The following PCDH7 variants were observed in gnomAD, a reference collection of about 807,000 sequenced individuals.
PCDH7 encodes the protein protocadherin-7.
PCDH7 carries 17 observed loss-of-function variants against 58.9 expected under a neutral mutation model. The ratio of observed to expected loss-of-function variants is 0.29; its 90% CI spans 0.20 to 0.43. The LOEUF is 0.43. Among genes scored for constraint, PCDH7 ranks in the 20% least tolerant of loss-of-function variants. The pLI is 1.00. For missense variants in PCDH7, 1,274 were observed against 1,441.0 expected, an observed-to-expected ratio of 0.88 and a Z score of 1.88; for synonymous variants, 664 against 616.4, an observed-to-expected ratio of 1.08 and a Z score of -1.14.
At chr4:31,131,105 C>T (rs1172708696) in intron 3 of PCDH7, among the ~76,000 whole-genome samples, 2 of 152,136 alleles carry the variant, frequency 1.3e-5, no homozygotes, top group Non-Finnish European at 2.9e-5. Flanking sequence ...ACACAGGGAG[C>T]ACTGAGACTG....
Position 30,869,040 on chromosome 4 carries a change from G to A in PCDH7, c.71-51113G>A, listed in dbSNP as rs555838921. On this transcript the variant is annotated intron_variant, in intron 1 of 3. Transcript: ENST00000509759. ...TTTTCAGCTGGTGATGGAGAACAACGTGTTAATCTTGGATTCCTTCTGTCA... is the reference window on the plus strand; with the variant it reads ...TTTTCAGCTGGTGATGGAGAACAACATGTTAATCTTGGATTCCTTCTGTCA... The A allele has an allele frequency of 3.9e-5, 6 of 152,150 alleles. No homozygotes were observed. In the East Asian group the frequency reaches 1.2e-3, roughly 30 times the overall value. 9.4% of individuals were successfully genotyped at this position (152,150 alleles called of 1,614,324 possible).
At chr4:31,077,938 A>G (rs1001680264) in intron 3 of PCDH7, among the ~76,000 whole-genome samples, 1 of 152,314 alleles carries the variant, frequency 6.6e-6, no homozygotes, top group East Asian at 1.9e-4. Context: ...TGGCTGATTT[A>G]GGATCAGAAT....
intron 3 of PCDH7, among the ~76,000 whole-genome samples, chr4:31,038,970 G>A (rs1755629523): frequency 6.6e-6 from 1 of 152,104 alleles, no homozygotes; most frequent in Admixed American, 6.6e-5. Flanking sequence ...TTACCAGATA[G>A]TGTTTTCAAA....
At chr4:30,957,280 A>G (rs759027429) in intron 3 of PCDH7, among the ~76,000 whole-genome samples, 4 of 152,152 alleles carry the variant, frequency 2.6e-5, no homozygotes, top group Non-Finnish European at 4.4e-5. Context: ...AGAATTATAA[A>G]CACAAGCACA....
intron 1 of PCDH7, among the ~76,000 whole-genome samples, chr4:30,846,372 C>A (rs1231065556): frequency 1.3e-5 from 2 of 152,056 alleles, no homozygotes; most frequent in Admixed American, 1.3e-4. Context: ...CCTTGCTCCC[C>A]CTCTCTTGTA....
chr4:30,933,843 C>T lies in PCDH7; in HGVS notation c.287+13474C>T, dbSNP rs115855667. On this transcript the variant is annotated intron_variant, in intron 2 of 3. Coordinates refer to the PCDH7 transcript ENST00000509759. Reference sequence around the variant, plus strand: ...ATTCTCAGGTAATTCTCACCTAAAACAAGCTCAATCTTTAATTATATGAAT... The same window carrying T: ...ATTCTCAGGTAATTCTCACCTAAAATAAGCTCAATCTTTAATTATATGAAT... Among the ~76,000 whole-genome samples, 1,190 of 152,276 alleles carry T rather than the reference C, an allele frequency of 7.8e-3. 6 individuals carry two copies. Among genetic ancestry groups the T allele is most frequent in the Non-Finnish European group, 0.011 (772 of 68,026 alleles).
chr4:30,894,510 TATATATACACACACAC>T (rs1280773499), intron 1 of PCDH7, among the ~76,000 whole-genome samples: 9 of 49,450 alleles, frequency 1.8e-4, no homozygotes, highest in African/African-American at 2.7e-4. Flanking sequence ...TATATATATA[TATATATACACACACAC>T]ACACACACAC....
chr4:30,920,381 C>A lies in PCDH7; in HGVS notation c.287+12C>A. 1 of 1,361,454 alleles carries A rather than the reference C, an allele frequency of 7.3e-7. No individual in the cohort carries two copies. The highest frequency in any genetic ancestry group is 9.8e-7 in the Non-Finnish European group (1 of 1,017,068). The allele number at this position is 1,361,454 out of a possible 1,614,324, so 84.3% of individuals were successfully genotyped here. Reference sequence around the variant, plus strand: ...GCATATGGAAAATGGTAGGGGCAAACACAACATCCACACACATAATCACGC... The same window carrying A: ...GCATATGGAAAATGGTAGGGGCAAAAACAACATCCACACACATAATCACGC... On this transcript the variant is annotated intron_variant, in intron 2 of 3. Coordinates refer to the PCDH7 transcript ENST00000509759.
intron 2 of PCDH7, among the ~76,000 whole-genome samples, chr4:30,923,771 A>G (rs12503052): frequency 0.25 from 38,333 of 152,052 alleles, 5,057 homozygotes; most frequent in African/African-American, 0.33. Context: ...GCCTTTAATT[A>G]TCATCATTAT....
intron 2 of PCDH7, among the ~76,000 whole-genome samples, chr4:30,946,861 C>T (rs1327469186): frequency 6.6e-6 from 1 of 152,016 alleles, no homozygotes; most frequent in African/African-American, 2.4e-5. Context: ...AGGCGCCCAC[C>T]ACCATGCTTG....
intron 1 of PCDH7, among the ~76,000 whole-genome samples, chr4:30,762,677 A>C (rs1560343488): frequency 6.6e-6 from 1 of 152,202 alleles, no homozygotes; most frequent in Non-Finnish European, 1.5e-5. Flanking sequence ...GGAAAGCATT[A>C]GTCTTCTATT....
chr4:30,840,255 C>T (rs1731039749), intron 1 of PCDH7, among the ~76,000 whole-genome samples: 1 of 152,024 alleles, frequency 6.6e-6, no homozygotes, highest in South Asian at 2.1e-4. Context: ...TTCCACTTGA[C>T]TTTGGTGCCT....
chr4:30,898,105 A>C (rs1739685394), intron 1 of PCDH7, among the ~76,000 whole-genome samples: 1 of 152,212 alleles, frequency 6.6e-6, no homozygotes, highest in Non-Finnish European at 1.5e-5. Flanking sequence ...AGTTCAGTCA[A>C]ATTGGTTTAA....
At chr4:31,075,858 T>G (rs1459411743) in intron 3 of PCDH7, among the ~76,000 whole-genome samples, 1 of 152,226 alleles carries the variant, frequency 6.6e-6, no homozygotes, top group African/African-American at 2.4e-5. Flanking sequence ...TATGGAAAAT[T>G]TCTTCAGTGT....
At chr4:30,860,419 T>C (rs1031902096) in intron 1 of PCDH7, among the ~76,000 whole-genome samples, 4 of 41,398 alleles carry the variant, frequency 9.7e-5, no homozygotes, top group African/African-American at 3.3e-4. Flanking sequence ...AATTAAGTCT[T>C]TTTTTTTTTG....
At chr4:30,873,812 T>G (rs1735929104) in intron 1 of PCDH7, among the ~76,000 whole-genome samples, 1 of 152,058 alleles carries the variant, frequency 6.6e-6, no homozygotes, top group Non-Finnish European at 1.5e-5. Context: ...GTTTGTTGCT[T>G]AATTATATTT....
chr4:31,083,370 T>C (rs186660337), intron 3 of PCDH7, among the ~76,000 whole-genome samples: 32 of 152,260 alleles, frequency 2.1e-4, no homozygotes, highest in Admixed American at 7.2e-4. Flanking sequence ...TTTTTCAAAA[T>C]ATAGGTATGA....
intron 1 of PCDH7, among the ~76,000 whole-genome samples, chr4:30,915,388 T>C (rs1742313951): frequency 6.6e-6 from 1 of 152,194 alleles, no homozygotes; most frequent in African/African-American, 2.4e-5. Context: ...ATAAATCCAA[T>C]GGGCATGTGG....
At chr4:30,863,602 G>A (rs1034124230) in intron 1 of PCDH7, among the ~76,000 whole-genome samples, 5 of 152,054 alleles carry the variant, frequency 3.3e-5, no homozygotes, top group Admixed American at 1.3e-4. Flanking sequence ...GTATCTTACA[G>A]CATAAAAGCT....
Sources: allele counts gnomAD v4.1 joint callset (sites outside exome capture counted in the v4.1 genomes callset), GRCh38; gene constraint gnomAD v4.1.1; transcripts MANE v1.5; gene names NCBI Gene and HGNC (gene_info 2026-07-23, HGNC 2026-07-21).